SGCZ: variants seen among roughly 807,000 people sequenced by gnomAD.
SGCZ encodes the protein zeta-sarcoglycan.
SGCZ carries 40 observed loss-of-function variants against 41.3 expected under a neutral mutation model. The ratio of observed to expected loss-of-function variants is 0.97; its 90% confidence interval spans 0.75 to 1.26. SGCZ has a LOEUF of 1.26. SGCZ is among the 50% of genes most tolerant of loss of function. SGCZ has a pLI of 0.00. For missense variants in SGCZ, 552 were observed against 369.8 expected, an observed-to-expected ratio of 1.49 and a Z score of -4.04; for synonymous variants, 206 against 137.5, an observed-to-expected ratio of 1.50 and a Z score of -3.49.
At chr8:14,214,659 T>A (rs1386005628) in intron 4 of SGCZ, among the ~76,000 whole-genome samples, 3 of 152,008 alleles carry the variant, frequency 2.0e-5, no homozygotes, top group African/African-American at 7.2e-5. Context: ...AATATAGGTA[T>A]ATTGAAAGTA....
At chr8:15,208,292 T>C (rs1015263513) in intron 1 of SGCZ, among the ~76,000 whole-genome samples, 3 of 152,106 alleles carry the variant, frequency 2.0e-5, no homozygotes, top group Admixed American at 2.0e-4. Flanking sequence ...TATGGCATAT[T>C]ATAGCAAAAA....
rs573402527 is a variant in SGCZ at position 14,088,095 on chromosome 8, C to T, written c.*2348G>A. 3.3e-4 allele frequency among the ~76,000 whole-genome samples: 50 copies of T among 151,426 alleles called. No individual in the cohort carries two copies. Among genetic ancestry groups the T allele is most frequent in the African/African-American group, 1.1e-3 (46 of 41,380 alleles). ...CACTTTTTTTTTCATCTTTTCTCCTCTTATGACATATAATTTAAAATTTCA... is the reference window on the plus strand; with the variant it reads ...CACTTTTTTTTTCATCTTTTCTCCTTTTATGACATATAATTTAAAATTTCA... On this transcript the variant is annotated 3_prime_UTR_variant, in exon 8 of 8. Coordinates refer to ENST00000382080, the MANE Select transcript of SGCZ (RefSeq NM_139167.4).
intron 1 of SGCZ, among the ~76,000 whole-genome samples, chr8:14,858,102 A>G (rs1318136440): frequency 2.0e-5 from 3 of 152,126 alleles, no homozygotes; most frequent in Non-Finnish European, 2.9e-5. Context: ...GATCTCCTTT[A>G]TAATAAAATC....
chr8:14,532,646 T>C (rs565382376), intron 2 of SGCZ, among the ~76,000 whole-genome samples: 149 of 142,290 alleles, frequency 1.0e-3, no homozygotes, highest in Non-Finnish European at 1.8e-3. Context: ...ACTTTGAAGC[T>C]GGCTCATTGA....
intron 5 of SGCZ, among the ~76,000 whole-genome samples, chr8:14,115,384 A>T (rs993664553): frequency 1.3e-5 from 2 of 151,998 alleles, no homozygotes; most frequent in Non-Finnish European, 2.9e-5. Context: ...GAAATGCAAA[A>T]ATATGCATTA....
chr8:14,982,082 G>A (rs972858150), intron 1 of SGCZ, among the ~76,000 whole-genome samples: 11 of 151,788 alleles, frequency 7.2e-5, no homozygotes, highest in South Asian at 4.1e-4. Context: ...CCCAGGAGGC[G>A]GAGTTTGCAG....
chr8:14,221,788 T>A (rs1806203099), intron 4 of SGCZ, among the ~76,000 whole-genome samples: 1 of 151,968 alleles, frequency 6.6e-6, no homozygotes, highest in Non-Finnish European at 1.5e-5. Context: ...ATATAAAAAA[T>A]TAGCTGGGTG....
chr8:14,843,772 T>C (rs886386137), intron 1 of SGCZ, among the ~76,000 whole-genome samples: 1 of 152,078 alleles, frequency 6.6e-6, no homozygotes, highest in African/African-American at 2.4e-5. Context: ...TATTTATAGA[T>C]AGCACTTTTA....
chr8:14,770,159 C>CAGT (rs34308919), intron 1 of SGCZ, among the ~76,000 whole-genome samples: 105,960 of 149,400 alleles, frequency 0.71, 38,678 homozygotes, highest in African/African-American at 0.89. Context: ...ATATATTTAA[C>CAGT]AGATATTCAC....
At chr8:15,126,039 G>A (rs550236921) in intron 1 of SGCZ, among the ~76,000 whole-genome samples, 11 of 152,096 alleles carry the variant, frequency 7.2e-5, no homozygotes, top group Non-Finnish European at 1.2e-4. Context: ...CCAGCTACTC[G>A]GGAGGCCAAG....
chr8:15,026,894 A>C (rs1399181054), intron 1 of SGCZ, among the ~76,000 whole-genome samples: 1 of 152,192 alleles, frequency 6.6e-6, no homozygotes. Context: ...CGCTAACAGC[A>C]TAAGTCCCTT....
chr8:14,196,317 GC>G (rs1429738369), intron 4 of SGCZ, among the ~76,000 whole-genome samples: 8 of 150,964 alleles, frequency 5.3e-5, no homozygotes, highest in African/African-American at 1.9e-4. Flanking sequence ...AGGCTGGAGT[GC>G]AATGGTGTGA....
chr8:14,394,559 G>T (rs1022678876), intron 2 of SGCZ, among the ~76,000 whole-genome samples: 16 of 152,062 alleles, frequency 1.1e-4, no homozygotes, highest in African/African-American at 3.6e-4. Context: ...GATCATGGTT[G>T]GTTTTACGAG....
chr8:14,554,427 GAC>G (rs1803967496), intron 2 of SGCZ, among the ~76,000 whole-genome samples: 1 of 152,004 alleles, frequency 6.6e-6, no homozygotes, highest in African/African-American at 2.4e-5. Context: ...TAGATTTTAA[GAC>G]ACAGTAAGTA....
In SGCZ at chr8:14,087,182, A is replaced by G. The variant is rs977152961; in HGVS notation, c.*3261T>C. ...TAAAACATATCATTCACAATAAAAT[A>G]TATATATTTTAGACATAAATGTGTG... On this transcript the variant is annotated 3_prime_UTR_variant, in exon 8 of 8. Coordinates refer to ENST00000382080, the MANE Select transcript of SGCZ (RefSeq NM_139167.4). Among the ~76,000 whole-genome samples, 1 of 151,624 alleles carries G rather than the reference A, an allele frequency of 6.6e-6. No homozygotes were observed. Among genetic ancestry groups the G allele is most frequent in the Non-Finnish European group, 1.5e-5 (1 of 67,710 alleles).
At chr8:15,005,451 C>T (rs1312652005) in intron 1 of SGCZ, among the ~76,000 whole-genome samples, 1 of 151,566 alleles carries the variant, frequency 6.6e-6, no homozygotes, top group Admixed American at 6.6e-5. Context: ...CCTGCCTCAG[C>T]CTCCCGAGTA....
chr8:14,207,546 G>C (rs1460121222), intron 4 of SGCZ, among the ~76,000 whole-genome samples: 2 of 151,956 alleles, frequency 1.3e-5, no homozygotes, highest in African/African-American at 4.8e-5. Context: ...TATATTTAAA[G>C]CTTAAATATC....
intron 1 of SGCZ, among the ~76,000 whole-genome samples, chr8:14,777,060 C>T (rs1800426624): frequency 6.6e-6 from 1 of 152,118 alleles, no homozygotes; most frequent in African/African-American, 2.4e-5. Context: ...GTATGAATCC[C>T]AAGTGTGGTG....
chr8:14,546,933 C>T (rs978447899), intron 2 of SGCZ, among the ~76,000 whole-genome samples: 2 of 151,910 alleles, frequency 1.3e-5, no homozygotes, highest in Non-Finnish European at 2.9e-5. Context: ...AAGTTTCTGC[C>T]TTTTCATCTG....
Sources: gnomAD v4.1 joint callset for allele counts (sites outside exome capture counted in the v4.1 genomes callset) on GRCh38, gnomAD v4.1.1 for gene constraint, MANE v1.5 for transcripts, NCBI Gene and HGNC (gene_info 2026-07-23, HGNC 2026-07-21) for gene names.